The following CCDC93 variants were observed in gnomAD, a reference collection of about 807,000 sequenced individuals.
The protein encoded by CCDC93 is CCC complex scaffolding subunit CCDC93, also known as coiled-coil domain-containing protein 93.
In CCDC93, 61 loss-of-function variants were observed where a neutral mutation model predicts 108.2. The ratio of observed to expected loss-of-function variants is 0.56; its 90% CI spans 0.46 to 0.70. CCDC93 has a LOEUF of 0.70. Ranked by LOEUF, CCDC93 falls within the 30% of genes least tolerant of loss-of-function variation. CCDC93 has a pLI of 0.00. For synonymous variants in CCDC93, 276 were observed against 260.4 expected, an observed-to-expected ratio of 1.06 and a Z score of -0.58; for missense variants, 685 against 764.2, an observed-to-expected ratio of 0.90 and a Z score of 1.22.
At chr2:117,964,384 C>T (rs1307920418) in intron 11 of CCDC93, among the ~76,000 whole-genome samples, 2 of 152,142 alleles carry the variant, frequency 1.3e-5, no homozygotes, top group East Asian at 3.8e-4. Context: ...TCCTTCCTCT[C>T]CCTCTCTTCC....
chr2:117,936,934 CCTT>C, intron 20 of CCDC93, 195 bp from the exon 21 acceptor site: 1 of 575,072 alleles, frequency 1.7e-6, no homozygotes. Context: ...AGGGAATCCA[CCTT>C]CTTCTCACAG....
chr2:118,013,894 C>T (rs1469603277), intron 1 of CCDC93, 60 bp downstream of exon 1: 1 of 1,459,814 alleles, frequency 6.9e-7, no homozygotes, highest in Non-Finnish European at 9.2e-7. Context: ...CCCGCCGCCC[C>T]GCGGCTCGGC....
At chr2:117,932,056 G>A (rs186407027) in intron 22 of CCDC93, among the ~76,000 whole-genome samples, 31 of 152,228 alleles carry the variant, frequency 2.0e-4, no homozygotes, top group African/African-American at 3.9e-4. Context: ...GGGAGGTGAC[G>A]GAGAGGAGGG....
chr2:117,995,892 G>A lies in CCDC93; in HGVS notation c.462+372C>T, dbSNP rs534123999. 7 of 163,516 alleles carry A rather than the reference G, an allele frequency of 4.3e-5. No homozygotes were observed. The South Asian group carries it at 1.3e-3, about 31-fold the overall frequency. 10.1% of individuals were successfully genotyped at this position (163,516 alleles called of 1,614,324 possible). ...AAGGATTAAAGAATAAAAGCCATAA[G>A]ATGTGCTGAGACTAGCATGTAGTAA... On this transcript the variant is annotated intron_variant, in intron 5 of 23. Coordinates refer to ENST00000376300, the MANE Select transcript of CCDC93 (RefSeq NM_019044.5).
At chr2:117,975,132 A>G (rs1679895793) in intron 9 of CCDC93, 56 bp downstream of exon 9, 2 of 1,477,482 alleles carry the variant, frequency 1.4e-6, no homozygotes, top group African/African-American at 2.8e-5. Flanking sequence ...TAAGAGTACG[A>G]TTTCTCCCAA....
intron 6 of CCDC93, among the ~76,000 whole-genome samples, chr2:117,994,906 C>T (rs913827312): frequency 3.9e-5 from 6 of 152,306 alleles, no homozygotes; most frequent in South Asian, 4.2e-4. Flanking sequence ...TAACAAGGTT[C>T]CACAGCTCTG....
rs1286124706 is a variant in CCDC93, at chr2:117,950,165, GCATGGATCCACAGA to G, written c.1069-784_1069-771del. 4 of 985,204 alleles carry G rather than the reference GCATGGATCCACAGA, an allele frequency of 4.1e-6. No homozygotes were observed. In the African/African-American group the frequency reaches 7.0e-5, roughly 17 times the overall value. The allele number at this position is 985,204 out of a possible 1,614,324, so 61.0% of individuals were successfully genotyped here. On this transcript the variant is annotated intron_variant, in intron 13 of 23. Coordinates refer to ENST00000376300, the MANE Select transcript of CCDC93 (RefSeq NM_019044.5). ...ACACAGGAAGTGGGCTGCATAAAAT[GCATGGATCCACAGA>G]GGTGGTAACCCGAAATTTTAAAATT...
At chr2:117,947,174 T>C (rs1211372845) in intron 15 of CCDC93, among the ~76,000 whole-genome samples, 1 of 152,188 alleles carries the variant, frequency 6.6e-6, no homozygotes, top group Non-Finnish European at 1.5e-5. Context: ...CTAGTTCCAG[T>C]TAGTCTTGTC....
rs775374403 is a variant in CCDC93, at chr2:117,920,354, T to C, written c.1885A>G (p.Lys629Glu). The change falls in exon 24 of 24, where the codon AAG becomes GAG. Residue 629 changes from lysine (K) to glutamate (E), a missense_variant. Lys to Glu is a moderately conservative substitution (Grantham distance 56). Coordinates refer to ENST00000376300, the MANE Select transcript of CCDC93 (RefSeq NM_019044.5). ...NEMLLSKVKA[K>E]AS Reference sequence around the variant, plus strand: ...ACGGCTGGGGATGTTCAGGAGGCCTTCGCTTTCACCTTGGACAGCAGCATC... The same window carrying C: ...ACGGCTGGGGATGTTCAGGAGGCCTCCGCTTTCACCTTGGACAGCAGCATC... The C allele has an allele frequency of 6.2e-5, 100 of 1,612,922 alleles. No individual in the cohort carries two copies. The highest frequency in any genetic ancestry group is 1.2e-4 in the Admixed American group (7 of 59,944).
In CCDC93 at chr2:118,008,615, T is replaced by C. The variant is rs1676939832; in HGVS notation, c.86A>G (p.Glu29Gly). Residue 29 changes from glutamate to glycine, a missense_variant, in exon 2 of 24, where the codon GAA becomes GGA. Physicochemically the swap from Glu to Gly is moderately conservative, Grantham distance 98. Coordinates refer to ENST00000376300, the MANE Select transcript of CCDC93 (RefSeq NM_019044.5). ...EDEEQNVKLT[E>G]ILELLVAAGY... The stretch of plus-strand genomic sequence containing the variant: ...AGCTGCAACCAAGAGCTCCAGAATT[T>C]CAGTCAACTTGACATTTTGTTCTTC... 6.2e-7 allele frequency: 1 copy of C among 1,613,708 alleles called. No individual in the cohort carries two copies. The highest frequency in any genetic ancestry group is 1.1e-5 in the South Asian group (1 of 91,040).
intron 1 of CCDC93, among the ~76,000 whole-genome samples, chr2:118,009,501 C>G (rs1444670435): frequency 1.3e-5 from 2 of 151,940 alleles, no homozygotes; most frequent in African/African-American, 4.8e-5. Flanking sequence ...CAAAACCCCA[C>G]CTCTACTAAA....
intron 17 of CCDC93, among the ~76,000 whole-genome samples, chr2:117,945,144 G>C (rs1411968334): frequency 6.6e-6 from 1 of 152,212 alleles, no homozygotes; most frequent in Non-Finnish European, 1.5e-5. Flanking sequence ...GAAACAGTCT[G>C]CTGAGTCTGG....
chr2:117,989,961 G>A (rs1037569489), intron 6 of CCDC93, among the ~76,000 whole-genome samples: 2 of 152,188 alleles, frequency 1.3e-5, no homozygotes, highest in Non-Finnish European at 2.9e-5. Context: ...GTTCCACAGT[G>A]CACTTCTTTC....
intron 9 of CCDC93, 24 bp downstream of exon 9, chr2:117,975,162 TCA>T: frequency 6.3e-7 from 1 of 1,587,614 alleles, no homozygotes; most frequent in Non-Finnish European, 8.6e-7. Flanking sequence ...CACAGAAACC[TCA>T]GAGGGCCTAC....
intron 4 of CCDC93, 138 bp from the exon 5 acceptor site, chr2:117,996,500 T>C: frequency 1.6e-6 from 1 of 611,922 alleles, no homozygotes; most frequent in Non-Finnish European, 2.9e-6. Context: ...TATCAACACA[T>C]GCTGTTCTAT....
intron 11 of CCDC93, among the ~76,000 whole-genome samples, chr2:117,965,505 A>G (rs1679534284): frequency 6.6e-6 from 1 of 152,186 alleles, no homozygotes; most frequent in Admixed American, 6.5e-5. Flanking sequence ...ACCCCATGGT[A>G]TAATTTTAAA....
intron 5 of CCDC93, 60 bp downstream of exon 5, chr2:117,996,204 G>T: frequency 8.8e-7 from 1 of 1,136,832 alleles, no homozygotes; most frequent in Non-Finnish European, 1.3e-6. Flanking sequence ...TTGCTAGAGA[G>T]TCTCTTAAGT....
In CCDC93 at chr2:117,960,126, C is replaced by T. The variant is rs183717898; in HGVS notation, c.889-1645G>A. Among the ~76,000 whole-genome samples, 48 of 152,298 alleles carry T rather than the reference C, an allele frequency of 3.2e-4. 1 individual carries two copies. Among genetic ancestry groups the T allele is most frequent in the African/African-American group, 1.1e-3 (47 of 41,568 alleles). On this transcript the variant is annotated intron_variant, in intron 11 of 23. Coordinates refer to ENST00000376300, the MANE Select transcript of CCDC93 (RefSeq NM_019044.5). ...TTTAGCTTTGAGTTTTAATATCCAGCTTAGATTCCTTGACTTTGACTTCCA... is the reference window on the plus strand; with the variant it reads ...TTTAGCTTTGAGTTTTAATATCCAGTTTAGATTCCTTGACTTTGACTTCCA...
intron 6 of CCDC93, among the ~76,000 whole-genome samples, chr2:117,987,296 T>C (rs534132748): frequency 6.6e-6 from 1 of 152,316 alleles, no homozygotes; most frequent in African/African-American, 2.4e-5. Flanking sequence ...CCAAGATCCC[T>C]GGGACACTAC....
Sources: gnomAD v4.1 joint callset for allele counts (sites outside exome capture counted in the v4.1 genomes callset) on GRCh38, gnomAD v4.1.1 for gene constraint, MANE v1.5 for transcripts, NCBI Gene and HGNC (gene_info 2026-07-23, HGNC 2026-07-21) for gene names.